KLHDC2: variants seen among roughly 807,000 people sequenced by gnomAD.
KLHDC2 encodes the protein kelch domain containing 2.
Under a neutral mutation model 62.3 loss-of-function variants are expected in KLHDC2, and 38 were observed. That is an observed-to-expected ratio of 0.61 (90% CI 0.47 to 0.80). The LOEUF (loss-of-function observed/expected upper bound fraction) is 0.80. Among genes scored for constraint, KLHDC2 ranks in the 30% least tolerant of loss-of-function variants. The pLI is 0.00. For missense variants in KLHDC2, 430 were observed against 495.3 expected, an observed-to-expected ratio of 0.87 and a Z score of 1.25; for synonymous variants, 159 against 161.0, an observed-to-expected ratio of 0.99 and a Z score of 0.09.
chr14:49,771,910 G>C (rs1398125414), intron 2 of KLHDC2, among the ~76,000 whole-genome samples: 1 of 152,190 alleles, frequency 6.6e-6, no homozygotes, highest in Admixed American at 6.5e-5. Context: ...AGAATCGCTT[G>C]AATCTGGGAG....
chr14:49,771,664 C>A lies in KLHDC2; in HGVS notation c.224C>A (p.Thr75Asn), dbSNP rs1376728204. ...REELWIYNME[T>N]GRWKKINTEG... ...GAACTATGGATCTACAACATGGAGACTGGAAGATGGTAAATGTGGATATTA... is the reference window on the plus strand; with the variant it reads ...GAACTATGGATCTACAACATGGAGAATGGAAGATGGTAAATGTGGATATTA... Residue 75 changes from threonine (T) to asparagine (N), a missense_variant, in exon 2 of 13, where the codon ACT becomes AAT. Thr to Asn is a moderately conservative substitution (Grantham distance 65). Transcript: ENST00000298307. The A allele has an allele frequency of 2.7e-6, 4 of 1,487,152 alleles. No individual in the cohort carries two copies. In the African/African-American group the frequency reaches 4.1e-5, roughly 15 times the overall value. 92.1% of individuals were successfully genotyped at this position (1,487,152 alleles called of 1,614,324 possible).
intron 1 of KLHDC2, among the ~76,000 whole-genome samples, chr14:49,769,492 A>G (rs1566631885): frequency 6.6e-6 from 1 of 152,180 alleles, no homozygotes; most frequent in Non-Finnish European, 1.5e-5. Context: ...AGCTTATGGT[A>G]CAGCTGACTT....
chr14:49,776,936 T>TAC (rs1212247404), intron 3 of KLHDC2, among the ~76,000 whole-genome samples: 1 of 149,138 alleles, frequency 6.7e-6, no homozygotes, highest in Non-Finnish European at 1.5e-5. Flanking sequence ...AAAAGAAATA[T>TAC]ATATATATAT....
chr14:49,768,177 C>G lies in KLHDC2; in HGVS notation c.-292C>G, dbSNP rs1046898457. Reference sequence around the variant, plus strand: ...CAGACGGGCTGCAATAGGGAGCCGGCCCGACGCGGACCGCTTCCCTGCAGT... The same window carrying G: ...CAGACGGGCTGCAATAGGGAGCCGGGCCGACGCGGACCGCTTCCCTGCAGT... On this transcript the variant is annotated 5_prime_UTR_variant, in exon 1 of 13. Transcript: ENST00000298307. 10 of 245,928 alleles carry G rather than the reference C, an allele frequency of 4.1e-5. No homozygotes were observed. In the East Asian group the frequency reaches 6.3e-4, roughly 16 times the overall value. 15.2% of individuals were successfully genotyped at this position (245,928 alleles called of 1,614,324 possible).
rs190117558 is a variant in KLHDC2 at position 49,777,041 on chromosome 14, T to C, written c.352-798T>C. ...GTGGATAAAGGAAATGTGGTGCATA[T>C]ATATACCAGGGAATACTACTCCGCC... On this transcript the variant is annotated intron_variant, in intron 3 of 12. Coordinates refer to ENST00000298307, the MANE Select transcript of KLHDC2 (RefSeq NM_014315.3). 4.6e-5 allele frequency among the ~76,000 whole-genome samples: 7 copies of C among 152,152 alleles called. No individual in the cohort carries two copies. The East Asian group carries it at 1.4e-3, about 29-fold the overall frequency.
rs1316486821 is a variant in KLHDC2 at position 49,780,128 on chromosome 14, A to C, written c.774-85A>C. ...AACTTAAGGTCTCTTTTTTCATAAC[A>C]TGTACATATAAATTTTAAAAGAAAA... On this transcript the variant is annotated intron_variant, in intron 8 of 12. Coordinates refer to ENST00000298307, the MANE Select transcript of KLHDC2 (RefSeq NM_014315.3). 19 of 859,606 alleles carry C rather than the reference A, an allele frequency of 2.2e-5. No homozygotes were observed. The Admixed American group carries it at 3.9e-4, about 18-fold the overall frequency. The allele number at this position is 859,606 out of a possible 1,614,324, so 53.2% of individuals were successfully genotyped here.
chr14:49,782,273 AAGAT>A, intron 10 of KLHDC2, 93 bp from the exon 11 acceptor site: 1 of 748,962 alleles, frequency 1.3e-6, no homozygotes, highest in Non-Finnish European at 2.2e-6. Context: ...GAACTACCTT[AAGAT>A]CGCTAGTCTT....
chr14:49,785,705 T>C lies in KLHDC2; in HGVS notation c.*2752T>C, dbSNP rs905645190. On this transcript the variant is annotated 3_prime_UTR_variant, in exon 13 of 13. Coordinates refer to ENST00000298307, the MANE Select transcript of KLHDC2 (RefSeq NM_014315.3). The stretch of plus-strand genomic sequence containing the variant: ...GAGTTCAAGACCAGCCTAAGCAACA[T>C]GGAGAAACACCATCTCTACAAAAAA... 5.3e-6 allele frequency: 1 copy of C among 189,294 alleles called. No individual in the cohort carries two copies. The highest frequency in any genetic ancestry group is 5.4e-5 in the Admixed American group (1 of 18,412). The allele number at this position is 189,294 out of a possible 1,614,324, so 11.7% of individuals were successfully genotyped here.
chr14:49,768,923 A>C, intron 1 of KLHDC2: 1 of 363,866 alleles, frequency 2.7e-6, no homozygotes, highest in Non-Finnish European at 5.0e-6. Context: ...GGCCCTGTTA[A>C]TGTTGCTTGG....
intron 6 of KLHDC2, among the ~76,000 whole-genome samples, chr14:49,779,241 T>A (rs4900950): frequency 1.3e-5 from 2 of 152,214 alleles, no homozygotes; most frequent in African/African-American, 2.4e-5. Context: ...CTCTGCACTA[T>A]ACTGCAATTT....
At chr14:49,780,506 C>G (rs1002407598) in intron 9 of KLHDC2, 184 bp downstream of exon 9, 21 of 635,822 alleles carry the variant, frequency 3.3e-5, no homozygotes, top group South Asian at 2.5e-4. Context: ...AATAAAGAAC[C>G]TGGAGCACTT....
chr14:49,772,094 T>G (rs1889677068), intron 2 of KLHDC2, among the ~76,000 whole-genome samples: 1 of 152,250 alleles, frequency 6.6e-6, no homozygotes. Context: ...GCTTAGCTGC[T>G]AAGCTTAATT....
chr14:49,782,516 ATG>A, intron 11 of KLHDC2, 24 bp from the exon 12 acceptor site: 1 of 1,601,464 alleles, frequency 6.2e-7, no homozygotes, highest in Non-Finnish European at 8.5e-7. Flanking sequence ...TTGCTTTTAA[ATG>A]TGTTCTTCCT....
chr14:49,771,281 G>A (rs2139789451), intron 1 of KLHDC2, among the ~76,000 whole-genome samples: 1 of 151,892 alleles, frequency 6.6e-6, no homozygotes, highest in South Asian at 2.1e-4. Flanking sequence ...CCCAGGAGGT[G>A]GACATTGCAG....
At chr14:49,772,511 A>G (rs1889684901) in intron 2 of KLHDC2, among the ~76,000 whole-genome samples, 1 of 152,268 alleles carries the variant, frequency 6.6e-6, no homozygotes, top group African/African-American at 2.4e-5. Context: ...AGTCAAGAGC[A>G]TGTCCCTGGT....
chr14:49,780,831 T>C, intron 10 of KLHDC2, 56 bp downstream of exon 10: 1 of 928,698 alleles, frequency 1.1e-6, no homozygotes, highest in South Asian at 1.3e-5. Context: ...ATTGAGGTTT[T>C]GGCTGCATTA....
chr14:49,778,120 C>T (rs1262772843), intron 4 of KLHDC2, 58 bp from the exon 5 acceptor site: 1 of 1,178,014 alleles, frequency 8.5e-7, no homozygotes, highest in Non-Finnish European at 1.2e-6. Flanking sequence ...AGATAAACTG[C>T]TTGTATCCTA....
intron 3 of KLHDC2, among the ~76,000 whole-genome samples, chr14:49,777,398 GATAAAAA>G (rs895758994): frequency 1.3e-5 from 2 of 151,916 alleles, no homozygotes; most frequent in Admixed American, 6.6e-5. Context: ...AACCTATTGA[GATAAAAA>G]ATAAAAAAAT....
chr14:49,785,199 T>C lies in KLHDC2; in HGVS notation c.*2246T>C, dbSNP rs1479747631. The C allele has an allele frequency of 1.2e-6, 2 of 1,605,816 alleles. No individual in the cohort carries two copies. Among genetic ancestry groups the C allele is most frequent in the Non-Finnish European group, 1.7e-6 (2 of 1,172,586 alleles). On this transcript the variant is annotated 3_prime_UTR_variant, in exon 13 of 13. Transcript: ENST00000298307. Reference sequence around the variant, plus strand: ...ACAAAACAATTCACAAAAGCCATTCTGTCAACTAATGGTAACTTACTTGTA... The same window carrying C: ...ACAAAACAATTCACAAAAGCCATTCCGTCAACTAATGGTAACTTACTTGTA...
Sources: gnomAD v4.1 joint callset for allele counts (sites outside exome capture counted in the v4.1 genomes callset) on GRCh38, gnomAD v4.1.1 for gene constraint, MANE v1.5 for transcripts, NCBI Gene and HGNC (gene_info 2026-07-23, HGNC 2026-07-21) for gene names.